The following PKIA variants were observed in gnomAD, a reference collection of about 807,000 sequenced individuals.
The protein encoded by PKIA is PKI-alpha.
In PKIA, 4 loss-of-function variants were observed where a neutral mutation model predicts 7.6. The ratio of observed to expected loss-of-function variants is 0.52; its 90% CI spans 0.26 to 1.20. The LOEUF (loss-of-function observed/expected upper bound fraction) is 1.20, where lower values mean the gene tolerates loss of function less well. PKIA is among the 50% of genes most tolerant of loss of function. The pLI is 0.13. For missense variants in PKIA, 73 were observed against 86.2 expected, an observed-to-expected ratio of 0.85 and a Z score of 0.61; for synonymous variants, 21 against 30.7, an observed-to-expected ratio of 0.68 and a Z score of 1.04.
intron 3 of PKIA, among the ~76,000 whole-genome samples, chr8:78,600,501 A>T (rs1264030244): frequency 6.6e-6 from 1 of 152,074 alleles, no homozygotes; most frequent in Non-Finnish European, 1.5e-5. Context: ...TATTTATACA[A>T]TCACTTTCAT....
At chr8:78,588,653 G>A (rs1427059483) in intron 2 of PKIA, among the ~76,000 whole-genome samples, 1 of 152,102 alleles carries the variant, frequency 6.6e-6, no homozygotes, top group East Asian at 1.9e-4. Flanking sequence ...TTGGTGTACA[G>A]ATTATTTGGT....
chr8:78,567,530 T>A (rs1201651812), intron 1 of PKIA, among the ~76,000 whole-genome samples: 1 of 152,114 alleles, frequency 6.6e-6, no homozygotes, highest in African/African-American at 2.4e-5. Flanking sequence ...GGCCATTTTG[T>A]CAAGATGACT....
chr8:78,596,480 C>T (rs907481743), intron 2 of PKIA, among the ~76,000 whole-genome samples: 1 of 152,164 alleles, frequency 6.6e-6, no homozygotes, highest in African/African-American at 2.4e-5. Context: ...CCCAGGTGAT[C>T]CACCCACCTT....
rs1266089845 is a variant in PKIA at position 78,604,324 on chromosome 8, A to G, written c.*2503A>G. The G allele has an allele frequency of 6.6e-6, 1 of 152,032 alleles. No homozygotes were observed. The highest frequency in any genetic ancestry group is 1.5e-5 in the Non-Finnish European group (1 of 67,960). The allele number at this position is 152,032 out of a possible 1,614,324, so 9.4% of individuals were successfully genotyped here. On this transcript the variant is annotated 3_prime_UTR_variant, in exon 4 of 4. Transcript: ENST00000396418. The stretch of plus-strand genomic sequence containing the variant: ...CAGATTAAAATATAAGCACTCAATA[A>G]AATATAACCTTTAGAAGCTTAAAAA...
At position 78,572,877 on chromosome 8, in the gene PKIA, A is replaced by T. The variant is rs1455706979; in HGVS notation, c.-90A>T. On this transcript the variant is annotated 5_prime_UTR_variant, in exon 2 of 4. Transcript: ENST00000396418. ...GATTTCTGATAGAAATCTGAAGGTC[A>T]TCTCCAAGAAAAAAGAGATCTAGTA... 6.6e-6 allele frequency: 1 copy of T among 152,042 alleles called. No homozygotes were observed. The highest frequency in any genetic ancestry group is 1.9e-4 in the East Asian group (1 of 5,188). 9.4% of individuals were successfully genotyped at this position (152,042 alleles called of 1,614,324 possible).
rs535857224 is a variant in PKIA, at chr8:78,565,606, C to G, written c.-156-7205C>G. Among the ~76,000 whole-genome samples the G allele has an allele frequency of 2.0e-5, 3 of 152,042 alleles. No individual in the cohort carries two copies. In the East Asian group the frequency reaches 5.8e-4, roughly 29 times the overall value. ...TATTTATTAAGGATACCTGGCAGTGCTCTTGCTATTTCTCAGTAGCCCTTT... is the reference window on the plus strand; with the variant it reads ...TATTTATTAAGGATACCTGGCAGTGGTCTTGCTATTTCTCAGTAGCCCTTT... On this transcript the variant is annotated intron_variant, in intron 1 of 3. Transcript: ENST00000396418.
intron 1 of PKIA, among the ~76,000 whole-genome samples, chr8:78,567,077 A>C (rs1807432292): frequency 6.6e-6 from 1 of 152,196 alleles, no homozygotes. Context: ...TTGACTTTTT[A>C]AATAGACTTT....
At chr8:78,595,739 C>T (rs1299917643) in intron 2 of PKIA, among the ~76,000 whole-genome samples, 1 of 152,152 alleles carries the variant, frequency 6.6e-6, no homozygotes, top group Non-Finnish European at 1.5e-5. Context: ...TCAGCTCCAT[C>T]CACGTTGCTG....
rs939783872 is a variant in PKIA, at chr8:78,540,173, C to T, written c.-157+23705C>T. On this transcript the variant is annotated intron_variant, in intron 1 of 3. Transcript: ENST00000396418. ...TAAAAGGGTGTAACTTGCTTCCCTA[C>T]GAGTTCTAATGCTAGGAGGAAAACG... Among the ~76,000 whole-genome samples the T allele has an allele frequency of 4.6e-5, 7 of 151,532 alleles. No homozygotes were observed. The East Asian group carries it at 7.8e-4, about 17-fold the overall frequency.
rs1399356324 is a variant in PKIA, at chr8:78,604,092, A to T, written c.*2271A>T. On this transcript the variant is annotated 3_prime_UTR_variant, in exon 4 of 4. Transcript: ENST00000396418. ...TTATTCATGGCATCTTTCAAATTTT[A>T]TTTTAGTTTCCTTTATTTGCCAAGA... 6.6e-6 allele frequency: 1 copy of T among 151,934 alleles called. No individual in the cohort carries two copies. The highest frequency in any genetic ancestry group is 1.5e-5 in the Non-Finnish European group (1 of 67,948). The allele number at this position is 151,934 out of a possible 1,614,324, so 9.4% of individuals were successfully genotyped here.
chr8:78,568,457 C>T (rs7822335), intron 1 of PKIA, among the ~76,000 whole-genome samples: 25,506 of 152,138 alleles, frequency 0.17, 2,976 homozygotes, highest in African/African-American at 0.33. Flanking sequence ...TAGACCACCG[C>T]AATTCTGGTT....
Position 78,603,239 on chromosome 8 carries a change from G to A in PKIA, c.*1418G>A, listed in dbSNP as rs1808395598. ...ATATGCCAATGGTTCATGAATTACT[G>A]GACAAATAGCAGACAATGGGAGTCC... On this transcript the variant is annotated 3_prime_UTR_variant, in exon 4 of 4. Coordinates refer to ENST00000396418, the MANE Select transcript of PKIA (RefSeq NM_006823.4). 1 of 152,282 alleles carries A rather than the reference G, an allele frequency of 6.6e-6. No homozygotes were observed. Among genetic ancestry groups the A allele is most frequent in the African/African-American group, 2.4e-5 (1 of 41,372 alleles). The allele number at this position is 152,282 out of a possible 1,614,324, so 9.4% of individuals were successfully genotyped here. A position where few individuals can be genotyped will look rare whatever the true frequency, so the allele number is the denominator to read the frequency against.
chr8:78,557,343 G>T (rs999058226), intron 1 of PKIA, among the ~76,000 whole-genome samples: 1 of 152,042 alleles, frequency 6.6e-6, no homozygotes, highest in Non-Finnish European at 1.5e-5. Flanking sequence ...TTGTGCCCAT[G>T]GATAAGACAT....
intron 2 of PKIA, among the ~76,000 whole-genome samples, chr8:78,589,437 TAA>T (rs529101197): frequency 7.2e-4 from 110 of 152,316 alleles, no homozygotes; most frequent in African/African-American, 2.0e-3. Context: ...CATTTACAGG[TAA>T]AGAGTTCTCA....
chr8:78,570,851 T>C (rs1054097503), intron 1 of PKIA, among the ~76,000 whole-genome samples: 2 of 152,098 alleles, frequency 1.3e-5, no homozygotes, highest in African/African-American at 4.8e-5. Flanking sequence ...ACTCAAAAAT[T>C]TACCTCTCCT....
intron 1 of PKIA, among the ~76,000 whole-genome samples, chr8:78,521,724 G>T (rs1364936366): frequency 6.6e-6 from 1 of 151,302 alleles, no homozygotes; most frequent in Non-Finnish European, 1.5e-5. Context: ...TTTTTTTTCT[G>T]GTAAAATATA....
chr8:78,588,286 G>GA (rs1808001488), intron 2 of PKIA, among the ~76,000 whole-genome samples: 1 of 151,946 alleles, frequency 6.6e-6, no homozygotes, highest in Admixed American at 6.6e-5. Context: ...TTTGAGGCCA[G>GA]CCTGACCAAC....
intron 1 of PKIA, among the ~76,000 whole-genome samples, chr8:78,525,656 G>A (rs186611693): frequency 1.2e-3 from 190 of 152,168 alleles, no homozygotes; most frequent in African/African-American, 4.4e-3. Flanking sequence ...ATCTCAAAAT[G>A]TCTGACTGTA....
At chr8:78,539,802 C>G (rs750998920) in intron 1 of PKIA, among the ~76,000 whole-genome samples, 1 of 151,780 alleles carries the variant, frequency 6.6e-6, no homozygotes, top group Admixed American at 6.6e-5. Context: ...ATGTAATAAA[C>G]CTAATTATAT....
Sources: allele counts gnomAD v4.1 joint callset (sites outside exome capture counted in the v4.1 genomes callset), GRCh38; gene constraint gnomAD v4.1.1; transcripts MANE v1.5; gene names NCBI Gene and HGNC (gene_info 2026-07-23, HGNC 2026-07-21).